The following GPR176 variants were observed in gnomAD, a reference collection of about 807,000 sequenced individuals.
GPR176 encodes the protein G-protein coupled receptor 176.
GPR176 carries 26 observed loss-of-function variants against 35.4 expected under a neutral mutation model. The observed-to-expected ratio is 0.74, with a 90% confidence interval of 0.54 to 1.02. The LOEUF (loss-of-function observed/expected upper bound fraction) is 1.02. Ranked by LOEUF, GPR176 falls within the 50% of genes least tolerant of loss-of-function variation. The pLI is 0.00. For missense variants in GPR176, 597 were observed against 665.3 expected (o/e 0.90, Z 1.13); for synonymous variants, 278 against 271.3 (o/e 1.02, Z -0.24).
chr15:39,917,826 C>G (rs1185091624), intron 1 of GPR176, among the ~76,000 whole-genome samples: 1 of 151,936 alleles, frequency 6.6e-6, no homozygotes, highest in Non-Finnish European at 1.5e-5. Flanking sequence ...GCAGGTGCAT[C>G]ATGAGGTCAA....
At chr15:39,897,599 A>ATTTTTTTTTTTT (rs386382791) in intron 1 of GPR176, among the ~76,000 whole-genome samples, 7 of 88,524 alleles carry the variant, frequency 7.9e-5, no homozygotes, top group Admixed American at 1.5e-4. Flanking sequence ...ACATCCAAAT[A>ATTTTTTTTTTTT]TTTTTTTTTT....
chr15:39,888,203 C>G (rs1325612194), intron 1 of GPR176, among the ~76,000 whole-genome samples: 1 of 152,168 alleles, frequency 6.6e-6, no homozygotes, highest in Non-Finnish European at 1.5e-5. Flanking sequence ...CTCCCATATA[C>G]ATATAACACA....
chr15:39,809,848 T>A (rs1332277531), intron 1 of GPR176, among the ~76,000 whole-genome samples: 2 of 152,152 alleles, frequency 1.3e-5, no homozygotes, highest in Non-Finnish European at 2.9e-5. Flanking sequence ...GATACTAGGC[T>A]TAAGACCTGA....
At chr15:39,847,871 A>G (rs778062922) in intron 1 of GPR176, among the ~76,000 whole-genome samples, 8 of 152,140 alleles carry the variant, frequency 5.3e-5, no homozygotes, top group South Asian at 2.1e-4. Flanking sequence ...AAGAGGTTCA[A>G]TTGGTTCACA....
chr15:39,891,236 T>C (rs982867034), intron 1 of GPR176, among the ~76,000 whole-genome samples: 1 of 152,222 alleles, frequency 6.6e-6, no homozygotes, highest in African/African-American at 2.4e-5. Context: ...CAAACCTGTT[T>C]AAAAATAAAA....
At position 39,907,060 on chromosome 15, in the gene GPR176, C is replaced by T. The variant is rs140285792; in HGVS notation, c.172+12795G>A. On this transcript the variant is annotated intron_variant, in intron 1 of 2. Coordinates refer to ENST00000561100, the MANE Select transcript of GPR176 (RefSeq NM_007223.3). ...GTGATAGAAGTGATTGGGGAAGACCCGTTAGAGGTGACATTTGAGCTGCAA... is the reference window on the plus strand; with the variant it reads ...GTGATAGAAGTGATTGGGGAAGACCTGTTAGAGGTGACATTTGAGCTGCAA... Among the ~76,000 whole-genome samples the T allele has an allele frequency of 2.4e-4, 36 of 152,222 alleles. No individual in the cohort carries two copies. The East Asian group carries it at 6.4e-3, about 27-fold the overall frequency.
intron 1 of GPR176, among the ~76,000 whole-genome samples, chr15:39,883,457 T>C (rs1483464566): frequency 6.6e-6 from 1 of 152,210 alleles, no homozygotes; most frequent in Non-Finnish European, 1.5e-5. Flanking sequence ...TCAAATAGTT[T>C]GGGGTATACA....
chr15:39,852,083 G>C (rs78035124), intron 1 of GPR176, among the ~76,000 whole-genome samples: 4,967 of 152,132 alleles, frequency 0.033, 288 homozygotes, highest in African/African-American at 0.11. Flanking sequence ...TTCTTTCACG[G>C]TCTTATTCTT....
chr15:39,825,640 CA>C (rs1055295859), intron 1 of GPR176, among the ~76,000 whole-genome samples: 1 of 151,636 alleles, frequency 6.6e-6, no homozygotes. Context: ...CCATTATAAA[CA>C]AAAAAAATTG....
At chr15:39,898,444 A>G (rs1300637181) in intron 1 of GPR176, among the ~76,000 whole-genome samples, 2 of 152,242 alleles carry the variant, frequency 1.3e-5, no homozygotes, top group Non-Finnish European at 2.9e-5. Context: ...CATATAAGCA[A>G]AGAAAGGAAC....
chr15:39,826,717 C>T (rs1429032383), intron 1 of GPR176, among the ~76,000 whole-genome samples: 2 of 152,160 alleles, frequency 1.3e-5, no homozygotes, highest in Non-Finnish European at 2.9e-5. Context: ...AAAATCCAAC[C>T]TGCTCATTGA....
intron 1 of GPR176, among the ~76,000 whole-genome samples, chr15:39,816,899 A>G (rs1899940716): frequency 6.6e-6 from 1 of 151,848 alleles, no homozygotes; most frequent in Admixed American, 6.6e-5. Context: ...TACCAAAAAT[A>G]AAAATTAAAA....
intron 1 of GPR176, among the ~76,000 whole-genome samples, chr15:39,875,868 T>C (rs1391002445): frequency 1.3e-5 from 2 of 151,890 alleles, no homozygotes; most frequent in Admixed American, 6.6e-5. Context: ...ATTTGGTGTG[T>C]ACTTTTTTGC....
intron 1 of GPR176, among the ~76,000 whole-genome samples, chr15:39,858,100 G>C (rs169328): frequency 0.8 from 122,242 of 151,998 alleles, 49,526 homozygotes; most frequent in African/African-American, 0.87. Context: ...GGAGGAAGAG[G>C]AAATCTGGGA....
In GPR176 at chr15:39,801,018, G is replaced by A. The variant is rs1389261075; in HGVS notation, c.*114C>T. 4.7e-6 allele frequency: 4 copies of A among 850,150 alleles called. No individual in the cohort carries two copies. Among genetic ancestry groups the A allele is most frequent in the African/African-American group, 1.7e-5 (1 of 59,230 alleles). 52.7% of individuals were successfully genotyped at this position (850,150 alleles called of 1,614,324 possible). On this transcript the variant is annotated 3_prime_UTR_variant, in exon 3 of 3. Coordinates refer to ENST00000561100, the MANE Select transcript of GPR176 (RefSeq NM_007223.3). ...CAAAAGCATCTGGCCCATATTGGAGGAATCAACTCACACTGAGTTGCAAGG... is the reference window on the plus strand; with the variant it reads ...CAAAAGCATCTGGCCCATATTGGAGAAATCAACTCACACTGAGTTGCAAGG...
intron 1 of GPR176, among the ~76,000 whole-genome samples, chr15:39,810,076 C>T (rs1485879403): frequency 1.3e-5 from 2 of 148,762 alleles, no homozygotes; most frequent in African/African-American, 2.5e-5. Flanking sequence ...ACCCAGGAGG[C>T]GGAGCTTGCA....
chr15:39,882,344 C>G (rs1191769967), intron 1 of GPR176, among the ~76,000 whole-genome samples: 1 of 152,190 alleles, frequency 6.6e-6, no homozygotes, highest in Non-Finnish European at 1.5e-5. Flanking sequence ...CATATGTACA[C>G]TAGCATGTAT....
chr15:39,905,686 G>C (rs2033400511), intron 1 of GPR176, among the ~76,000 whole-genome samples: 1 of 152,172 alleles, frequency 6.6e-6, no homozygotes, highest in South Asian at 2.1e-4. Flanking sequence ...GAATTATACT[G>C]CATGAAAAAC....
At chr15:39,853,245 A>G (rs1244871363) in intron 1 of GPR176, among the ~76,000 whole-genome samples, 1 of 152,240 alleles carries the variant, frequency 6.6e-6, no homozygotes, top group African/African-American at 2.4e-5. Context: ...TTAAGAAAAG[A>G]AATTCTGACA....
Sources: gnomAD v4.1 joint callset for allele counts (sites outside exome capture counted in the v4.1 genomes callset) on GRCh38, gnomAD v4.1.1 for gene constraint, MANE v1.5 for transcripts, NCBI Gene and HGNC (gene_info 2026-07-23, HGNC 2026-07-21) for gene names.